MDH1: variants seen among roughly 807,000 people sequenced by gnomAD.
MDH1 encodes the protein malate dehydrogenase 1.
Under a neutral mutation model 38.7 loss-of-function variants are expected in MDH1, and 15 were observed. The observed-to-expected ratio is 0.39, with a 90% CI of 0.26 to 0.60. The LOEUF (loss-of-function observed/expected upper bound fraction) is 0.60, where lower values mean the gene tolerates loss of function less well. MDH1 is among the 20% of genes least tolerant of loss of function. MDH1 has a pLI of 0.56. For missense variants in MDH1, 368 were observed against 405.2 expected (o/e 0.91, Z 0.79); for synonymous variants, 144 against 143.6 (o/e 1.00, Z -0.02).
intron 4 of MDH1, 24 bp from the exon 5 acceptor site, chr2:63,599,146 T>C (rs1709374001): frequency 1.9e-6 from 3 of 1,611,648 alleles, no homozygotes; most frequent in East Asian, 4.5e-5. Flanking sequence ...TCTGTAACTC[T>C]TCAGTGCCTT....
At chr2:63,593,635 G>T (rs901881863) in intron 1 of MDH1, 2 of 471,610 alleles carry the variant, frequency 4.2e-6, no homozygotes, top group Admixed American at 4.7e-5. Context: ...GCAGGTAGGG[G>T]TAAAGGTGAC....
At chr2:63,605,794 C>A in intron 7 of MDH1, 145 bp from the exon 8 acceptor site, 1 of 704,910 alleles carries the variant, frequency 1.4e-6, no homozygotes, top group Non-Finnish European at 2.5e-6. Context: ...ACCTTGTCAC[C>A]AGTACCTGGT....
intron 7 of MDH1, 109 bp downstream of exon 7, chr2:63,605,502 C>T: frequency 1.3e-6 from 1 of 773,634 alleles, no homozygotes. Flanking sequence ...GTTCATTTCT[C>T]AGCTCAGCTG....
Position 63,602,934 on chromosome 2 carries a change from C to CTTTT in MDH1, c.499-1722_499-1719dup, listed in dbSNP as rs370479356. On this transcript the variant is annotated intron_variant, in intron 5 of 8. Coordinates refer to ENST00000233114, the MANE Select transcript of MDH1 (RefSeq NM_005917.4). ...ACATAATACAGTTTATTTAACCGTT[C>CTTTT]TTTTTTTTTTTTTTTTTTTTTTTTT... 4.9e-3 allele frequency among the ~76,000 whole-genome samples: 649 copies of CTTTT among 131,178 alleles called. 32 individuals carry two copies. Among genetic ancestry groups the CTTTT allele is most frequent in the Non-Finnish European group, 8.8e-3 (520 of 59,308 alleles). The allele number at this position is 131,178 out of a possible 152,430, so 86.1% of individuals were successfully genotyped here.
intron 5 of MDH1, among the ~76,000 whole-genome samples, chr2:63,602,967 T>TTTTTTTTTTTTTTTTTTTTTTTTTA (rs1709456314): frequency 2.8e-5 from 1 of 36,272 alleles, no homozygotes; most frequent in Non-Finnish European, 5.0e-5. Context: ...TTTTTTTTTT[T>TTTTTTTTTTTTTTTTTTTTTTTTTA]TTTTTTTTTT....
At chr2:63,589,191 A>G in intron 1 of MDH1, 145 bp downstream of exon 1, 1 of 1,601,112 alleles carries the variant, frequency 6.2e-7, no homozygotes, top group South Asian at 1.1e-5. Context: ...TCTTCTGGGG[A>G]TTGCCGCAGT....
intron 2 of MDH1, 69 bp from the exon 3 acceptor site, chr2:63,595,354 G>A (rs1709287304): frequency 1.0e-6 from 1 of 965,788 alleles, no homozygotes; most frequent in African/African-American, 1.6e-5. Flanking sequence ...TAAAAACTAT[G>A]TGAAAAGACT....
rs1709377557 is a variant in MDH1, at chr2:63,599,285, A to C, written c.491A>C (p.Lys164Thr). Residue 164 changes from lysine to threonine, a missense_variant, in exon 5 of 9, where the codon AAA becomes ACA. Lys to Thr is a moderately conservative substitution (Grantham distance 78, BLOSUM62 -1). Transcript: ENST00000233114. ...CLTRLDHNRA[K>T]AQIALKLGVT... ...ACTCGTTTGGATCACAACCGAGCTAAAGCTCAAGTAAGAAAAATATATTTT... is the reference window on the plus strand; with the variant it reads ...ACTCGTTTGGATCACAACCGAGCTACAGCTCAAGTAAGAAAAATATATTTT... 6 of 1,610,018 alleles carry C rather than the reference A, an allele frequency of 3.7e-6. No individual in the cohort carries two copies. The highest frequency in any genetic ancestry group is 1.3e-5 in the African/African-American group (1 of 74,774).
chr2:63,592,164 TTAA>T (rs779034438), intron 1 of MDH1, among the ~76,000 whole-genome samples: 9 of 152,202 alleles, frequency 5.9e-5, no homozygotes, highest in Non-Finnish European at 1.2e-4. Context: ...TGATAGGAAC[TTAA>T]TGATGTTTTG....
Position 63,592,377 on chromosome 2 carries a change from A to T in MDH1, c.4-2111A>T, listed in dbSNP as rs1461033392. ...TGAAAAAGTTTTTGTTTGAGACAGG[A>T]TCTCACTCTGTCACCAAGGCTGAAG... On this transcript the variant is annotated intron_variant, in intron 1 of 8. Coordinates refer to ENST00000233114, the MANE Select transcript of MDH1 (RefSeq NM_005917.4). Among the ~76,000 whole-genome samples, 3 of 152,174 alleles carry T rather than the reference A, an allele frequency of 2.0e-5. No homozygotes were observed. The East Asian group carries it at 5.8e-4, about 29-fold the overall frequency.
intron 5 of MDH1, among the ~76,000 whole-genome samples, chr2:63,603,652 T>C (rs1490917722): frequency 1.4e-5 from 2 of 142,824 alleles, no homozygotes; most frequent in Admixed American, 7.5e-5. Flanking sequence ...TACCAAGACA[T>C]TTCTTTTTTT....
intron 6 of MDH1, 144 bp downstream of exon 6, chr2:63,605,016 A>T: frequency 1.3e-6 from 1 of 757,882 alleles, no homozygotes; most frequent in Non-Finnish European, 2.1e-6. Flanking sequence ...GCCAGTCATG[A>T]TCTAGTGTGA....
In MDH1 at chr2:63,593,751, TTTG is replaced by T. The variant is rs1709247819; in HGVS notation, c.4-734_4-732del. ...CCATTACGTTTCTAAACATTATTGTTTTGTTCTTTTTAATAGATATATTTCTAT... is the reference window on the plus strand; with the variant it reads ...CCATTACGTTTCTAAACATTATTGTTTTCTTTTTAATAGATATATTTCTAT... On this transcript the variant is annotated intron_variant, in intron 1 of 8. Transcript: ENST00000233114. 6 of 460,082 alleles carry T rather than the reference TTTG, an allele frequency of 1.3e-5. No homozygotes were observed. In the Admixed American group the frequency reaches 1.5e-4, roughly 11 times the overall value. The allele number at this position is 460,082 out of a possible 1,614,324, so 28.5% of individuals were successfully genotyped here.
intron 1 of MDH1, chr2:63,590,738 G>A (rs1558857663): frequency 6.6e-6 from 1 of 152,142 alleles, no homozygotes; most frequent in African/African-American, 2.4e-5. Flanking sequence ...AAGGTCACTG[G>A]GGTGCCAGAT....
chr2:63,593,674 G>A (rs1020980320), intron 1 of MDH1: 4 of 471,334 alleles, frequency 8.5e-6, no homozygotes, highest in African/African-American at 2.0e-5. Flanking sequence ...CAGCATTATC[G>A]GGGAAAGGAA....
intron 1 of MDH1, 192 bp downstream of exon 1, chr2:63,589,238 G>C: frequency 1.9e-6 from 3 of 1,556,082 alleles, no homozygotes; most frequent in Non-Finnish European, 2.6e-6. Flanking sequence ...TCCACCTTGC[G>C]GGGTATGGGG....
intron 1 of MDH1, chr2:63,589,899 C>T (rs1709135782): frequency 6.3e-6 from 1 of 159,226 alleles, no homozygotes; most frequent in South Asian, 1.8e-4. Context: ...AATACAATGG[C>T]TTGTATTTAT....
Position 63,594,489 on chromosome 2 carries a change from C to G in MDH1, c.5C>G (p.Ser2Cys), listed in dbSNP as rs1214695937. Residue 2 changes from serine to cysteine, a missense_variant and splice_region_variant, in exon 2 of 9, where the codon TCT (serine) becomes TGT (cysteine). By Grantham distance (112) the Ser-to-Cys change is moderately radical (BLOSUM62 -1). Transcript: ENST00000233114. M[S>C]EPIRVLVTGA... ...GTTAATGGGTCTTTTTCATTACAGT[C>G]TGAACCAATCAGAGTCCTTGTGACT... The G allele has an allele frequency of 1.9e-6, 3 of 1,611,392 alleles. No homozygotes were observed. Among genetic ancestry groups the G allele is most frequent in the Non-Finnish European group, 2.5e-6 (3 of 1,177,830 alleles).
intron 7 of MDH1, 58 bp downstream of exon 7, chr2:63,605,451 T>C: frequency 8.1e-7 from 1 of 1,230,188 alleles, no homozygotes. Flanking sequence ...CCTGATGATA[T>C]AATATAAAAA....
Sources: gnomAD v4.1 joint callset for allele counts (sites outside exome capture counted in the v4.1 genomes callset) on GRCh38, gnomAD v4.1.1 for gene constraint, MANE v1.5 for transcripts, NCBI Gene and HGNC (gene_info 2026-07-23, HGNC 2026-07-21) for gene names.